Variants in CTDSPL2 observed in about 807,000 individuals in gnomAD.
CTDSPL2 encodes CTD small phosphatase like 2.
In CTDSPL2, 5 loss-of-function variants were observed where a neutral mutation model predicts 60.0. The observed-to-expected ratio is 0.08, with a 90% confidence interval of 0.04 to 0.18. The LOEUF (loss-of-function observed/expected upper bound fraction) is 0.18, where lower values mean the gene tolerates loss of function less well. Among genes scored for constraint, CTDSPL2 ranks in the 10% least tolerant of loss-of-function variants. CTDSPL2 has a pLI of 1.00. For synonymous variants in CTDSPL2, 186 were observed against 189.3 expected, an observed-to-expected ratio of 0.98 and a Z score of 0.14; for missense variants, 370 against 548.8, an observed-to-expected ratio of 0.67 and a Z score of 3.26.
chr15:44,489,713 T>TA (rs1406510938), intron 4 of CTDSPL2, among the ~76,000 whole-genome samples: 1 of 152,154 alleles, frequency 6.6e-6, no homozygotes, highest in African/African-American at 2.4e-5. Context: ...CTAGAAAAAA[T>TA]ACTGTGTTAA....
chr15:44,446,045 C>T (rs1225982908), intron 1 of CTDSPL2, among the ~76,000 whole-genome samples: 1 of 151,440 alleles, frequency 6.6e-6, no homozygotes, highest in African/African-American at 2.4e-5. Context: ...TCTGCCTCAG[C>T]CTCCCAAGTA....
At chr15:44,473,329 T>A (rs1392556302) in intron 2 of CTDSPL2, among the ~76,000 whole-genome samples, 2 of 152,090 alleles carry the variant, frequency 1.3e-5, no homozygotes, top group Non-Finnish European at 2.9e-5. Flanking sequence ...GTAATCTCGC[T>A]CTATCGCCCA....
intron 2 of CTDSPL2, among the ~76,000 whole-genome samples, chr15:44,465,041 A>G (rs372281536): frequency 1.3e-5 from 2 of 151,864 alleles, no homozygotes; most frequent in Non-Finnish European, 2.9e-5. Context: ...TAAAGGCCCT[A>G]TCTTCAAATA....
rs1304705091 is a variant in CTDSPL2 at position 44,526,937 on chromosome 15, T to C, written c.*2763T>C. ...AAGTCGTGCTATTTCCAGTGGTAAA[T>C]GTCTGACTTTTAAGACATTCTTTTA... On this transcript the variant is annotated 3_prime_UTR_variant, in exon 13 of 13. Coordinates refer to ENST00000260327, the MANE Select transcript of CTDSPL2 (RefSeq NM_016396.3). 6.6e-6 allele frequency: 1 copy of C among 152,586 alleles called. No homozygotes were observed. Among genetic ancestry groups the C allele is most frequent in the Non-Finnish European group, 1.5e-5 (1 of 67,980 alleles). The allele number at this position is 152,586 out of a possible 1,614,324, so 9.5% of individuals were successfully genotyped here. A position where few individuals can be genotyped will look rare whatever the true frequency, so the allele number is the denominator to read the frequency against.
intron 1 of CTDSPL2, among the ~76,000 whole-genome samples, chr15:44,450,589 ATTTTTTTTT>A (rs36016079): frequency 2.3e-5 from 2 of 88,698 alleles, no homozygotes; most frequent in African/African-American, 4.8e-5. Context: ...TATATTCTTA[ATTTTTTTTT>A]TTTTTTTTTT....
chr15:44,492,879 ATAGAC>A, intron 5 of CTDSPL2, among the ~76,000 whole-genome samples: 1 of 152,212 alleles, frequency 6.6e-6, no homozygotes, highest in Non-Finnish European at 1.5e-5. Context: ...CTAATAAAGT[ATAGAC>A]TAAAGTTCAG....
intron 5 of CTDSPL2, among the ~76,000 whole-genome samples, chr15:44,492,617 A>C (rs1362755881): frequency 6.6e-6 from 1 of 152,238 alleles, no homozygotes; most frequent in African/African-American, 2.4e-5. Context: ...AAAATATGAT[A>C]CAATTATGAA....
chr15:44,523,857 C>T (rs1230611939), intron 12 of CTDSPL2, among the ~76,000 whole-genome samples: 1 of 152,124 alleles, frequency 6.6e-6, no homozygotes, highest in African/African-American at 2.4e-5. Context: ...TGAGATTGTG[C>T]CATTGCACTC....
intron 1 of CTDSPL2, chr15:44,448,833 G>T (rs886122826): frequency 2.5e-5 from 9 of 360,440 alleles, no homozygotes; most frequent in South Asian, 4.5e-5. Flanking sequence ...TTGGTAAGGC[G>T]GTCTCATCCG....
chr15:44,442,696 C>T (rs924024117), intron 1 of CTDSPL2, among the ~76,000 whole-genome samples: 1 of 151,850 alleles, frequency 6.6e-6, no homozygotes. Context: ...AAAAATAGGG[C>T]CAGGCATGGT....
intron 10 of CTDSPL2, chr15:44,517,440 A>G (rs1424642895): frequency 6.6e-6 from 1 of 151,374 alleles, no homozygotes; most frequent in Non-Finnish European, 1.5e-5. Flanking sequence ...AGAGTCTGCC[A>G]TTGCACTCCA....
rs1375711874 is a variant in CTDSPL2, at chr15:44,486,670, T to G, written c.445T>G (p.Phe149Val). ...GTTGGGGACCATATTTTCACCTGTC[T>G]TCAACTTTTTTTCACCAGCAAATAA... ...TLLGTIFSPV[F>V]NFFSPANKNG... The change falls in exon 4 of 13, where the codon TTC becomes GTC. Residue 149 changes from phenylalanine (F) to valine (V), a missense_variant. Physicochemically the swap from Phe to Val is conservative, Grantham distance 50. Coordinates refer to ENST00000260327, the MANE Select transcript of CTDSPL2 (RefSeq NM_016396.3). The G allele has an allele frequency of 1.3e-6, 2 of 1,586,728 alleles. No homozygotes were observed. Among genetic ancestry groups the G allele is most frequent in the Admixed American group, 3.7e-5 (2 of 53,904 alleles).
intron 4 of CTDSPL2, 55 bp downstream of exon 4, chr15:44,486,755 T>TG (rs1567087862): frequency 2.6e-5 from 32 of 1,216,076 alleles, no homozygotes; most frequent in South Asian, 7.5e-5. Context: ...ATGCATAGTT[T>TG]GGGTTTTTTT....
At chr15:44,516,695 G>T (rs1225317907) in intron 10 of CTDSPL2, 1 of 152,162 alleles carries the variant, frequency 6.6e-6, no homozygotes, top group African/African-American at 2.4e-5. Context: ...TACTAATGAG[G>T]AACAAATGAT....
chr15:44,465,498 A>G (rs574308375), intron 2 of CTDSPL2, among the ~76,000 whole-genome samples: 22 of 152,150 alleles, frequency 1.4e-4, no homozygotes, highest in Non-Finnish European at 2.9e-4. Flanking sequence ...TTCATGTGAA[A>G]CAAAAATCAC....
intron 8 of CTDSPL2, among the ~76,000 whole-genome samples, chr15:44,506,086 A>G (rs971894609): frequency 3.5e-5 from 5 of 143,476 alleles, no homozygotes; most frequent in Middle Eastern, 3.7e-3. Flanking sequence ...CTGGAGTGCA[A>G]TGGCGCTATC....
At chr15:44,489,085 A>C (rs1595751188) in intron 4 of CTDSPL2, among the ~76,000 whole-genome samples, 1 of 150,464 alleles carries the variant, frequency 6.6e-6, no homozygotes, top group African/African-American at 2.5e-5. Flanking sequence ...CTCTCTCCCC[A>C]CCCCATACAC....
At chr15:44,467,063 T>G (rs1015266103) in intron 2 of CTDSPL2, among the ~76,000 whole-genome samples, 1 of 152,088 alleles carries the variant, frequency 6.6e-6, no homozygotes, top group African/African-American at 2.4e-5. Flanking sequence ...AAAAATAGAG[T>G]ATTATAATCT....
chr15:44,479,024 T>G (rs1173766522), intron 2 of CTDSPL2, among the ~76,000 whole-genome samples: 1 of 152,092 alleles, frequency 6.6e-6, no homozygotes, highest in Non-Finnish European at 1.5e-5. Context: ...CTTTTACATT[T>G]TCTTCATTTG....
Sources: allele counts gnomAD v4.1 joint callset (sites outside exome capture counted in the v4.1 genomes callset), GRCh38; gene constraint gnomAD v4.1.1; transcripts MANE v1.5; gene names NCBI Gene and HGNC (gene_info 2026-07-23, HGNC 2026-07-21).